The following PRR16 variants were observed in gnomAD, a reference collection of about 807,000 sequenced individuals.
PRR16 encodes protein Largen.
In PRR16, 6 loss-of-function variants were observed where a neutral mutation model predicts 18.2. That is an observed-to-expected ratio of 0.33 (90% CI 0.18 to 0.65). PRR16 has a LOEUF of 0.65. Ranked by LOEUF, PRR16 falls within the 30% of genes least tolerant of loss-of-function variation. PRR16 has a pLI of 0.74. For missense variants in PRR16, 412 were observed against 376.6 expected, an observed-to-expected ratio of 1.09 and a Z score of -0.78; for synonymous variants, 151 against 147.8, an observed-to-expected ratio of 1.02 and a Z score of -0.16.
intron 1 of PRR16, among the ~76,000 whole-genome samples, chr5:120,655,387 T>TA (rs778038205): frequency 0.1 from 10,302 of 100,110 alleles, 372 homozygotes; most frequent in South Asian, 0.13. Flanking sequence ...TTTTTTTTTT[T>TA]TAAAAAAAAA....
At chr5:120,700,316 G>A in the PRR16 span, among the ~76,000 whole-genome samples, 5 of 152,088 alleles carry the variant, frequency 3.3e-5, no homozygotes, top group Admixed American at 6.6e-5. Context: ...TTTTTAAAGC[G>A]TGCTGCGGGA....
At chr5:120,500,815 G>A (rs574141913) in intron 1 of PRR16, among the ~76,000 whole-genome samples, 2 of 152,192 alleles carry the variant, frequency 1.3e-5, no homozygotes, top group Admixed American at 6.5e-5. Context: ...TGTTAAGCAT[G>A]ACAAAGTAAA....
At chr5:120,649,887 C>T (rs894073636) in intron 1 of PRR16, among the ~76,000 whole-genome samples, 1 of 151,726 alleles carries the variant, frequency 6.6e-6, no homozygotes, top group Non-Finnish European at 1.5e-5. Context: ...TGAATAAATT[C>T]TCTCATCATT....
intron 1 of PRR16, among the ~76,000 whole-genome samples, chr5:120,685,409 T>C (rs561573617): frequency 1.3e-5 from 2 of 152,334 alleles, no homozygotes; most frequent in Non-Finnish European, 2.9e-5. Context: ...CTGCCTTTTT[T>C]TCCTGTGATT....
At chr5:120,467,909 C>T (rs73262112) in intron 1 of PRR16, among the ~76,000 whole-genome samples, 1,815 of 152,166 alleles carry the variant, frequency 0.012, 29 homozygotes, top group African/African-American at 0.041. Flanking sequence ...GAGCACCTAC[C>T]ATGTTCCAAG....
intron 1 of PRR16, chr5:120,618,322 G>C (rs777346472): frequency 4.0e-4 from 104 of 257,038 alleles, no homozygotes; most frequent in Non-Finnish European, 5.5e-4. Flanking sequence ...GAGTAGTGTT[G>C]ATTTTGTTGT....
downstream of PRR16, among the ~76,000 whole-genome samples, chr5:120,691,955 G>T (rs578181084): frequency 1.3e-5 from 2 of 152,202 alleles, no homozygotes; most frequent in South Asian, 4.2e-4. Flanking sequence ...CAATATCTTG[G>T]ACACAATTAT....
the PRR16 span, among the ~76,000 whole-genome samples, chr5:120,702,031 C>T: frequency 2.0e-5 from 3 of 151,574 alleles, no homozygotes; most frequent in Non-Finnish European, 4.4e-5. Context: ...GAACACAGGC[C>T]AAGGGAGTAG....
chr5:120,685,871 T>C lies in PRR16; in HGVS notation c.160-83T>C, dbSNP rs1047659319. On this transcript the variant is annotated intron_variant, in intron 1 of 1. Transcript: ENST00000407149. ...TATCAGTTAAGGCTTCCATAGCAGA[T>C]TTCCCCTAGACAAAAATAAATTGTT... is the stretch of plus-strand genomic sequence containing the variant. 9 of 1,392,024 alleles carry C rather than the reference T, an allele frequency of 6.5e-6. No individual in the cohort carries two copies. The African/African-American group carries it at 1.3e-4, about 20-fold the overall frequency. The allele number at this position is 1,392,024 out of a possible 1,614,324, so 86.2% of individuals were successfully genotyped here.
the PRR16 span, among the ~76,000 whole-genome samples, chr5:120,768,927 C>A: frequency 2.0e-5 from 3 of 151,664 alleles, no homozygotes; most frequent in Non-Finnish European, 4.4e-5. Context: ...TTCATTATCT[C>A]CTGATCATTA....
intron 1 of PRR16, among the ~76,000 whole-genome samples, chr5:120,528,728 T>C (rs974088315): frequency 4.6e-5 from 7 of 152,090 alleles, no homozygotes; most frequent in Admixed American, 4.6e-4. Context: ...TGCAAGACCA[T>C]GTTTTACTCC....
In PRR16 at chr5:120,539,556, C is replaced by T. The variant is rs960096324; in HGVS notation, c.159+74911C>T. On this transcript the variant is annotated intron_variant, in intron 1 of 1. Transcript: ENST00000407149. ...GGGTGAATAATGGAAAACAACCTAT[C>T]GGGTATTATACTGATTACCAGGTGA... 1.3e-4 allele frequency among the ~76,000 whole-genome samples: 20 copies of T among 151,978 alleles called. 1 individual carries two copies. The highest frequency in any genetic ancestry group is 3.6e-4 in the African/African-American group (15 of 41,490).
At position 120,472,979 on chromosome 5, in the gene PRR16, TTTTA is replaced by T. The variant is rs1400111507; in HGVS notation, c.159+8338_159+8341del. 4.6e-5 allele frequency among the ~76,000 whole-genome samples: 7 copies of T among 152,284 alleles called. No individual in the cohort carries two copies. The South Asian group carries it at 1.0e-3, about 23-fold the overall frequency. The stretch of plus-strand genomic sequence containing the variant: ...CTTAAAACTGATTGCAGATCAGCAT[TTTTA>T]TTTGTTTTATTTTTTTCTTATGTCA... On this transcript the variant is annotated intron_variant, in intron 1 of 1. Coordinates refer to ENST00000407149, the MANE Select transcript of PRR16 (RefSeq NM_001300783.2).
At chr5:120,765,939 G>T in the PRR16 span, among the ~76,000 whole-genome samples, 4 of 151,854 alleles carry the variant, frequency 2.6e-5, no homozygotes, top group Non-Finnish European at 5.9e-5. Flanking sequence ...GGATTTTGAT[G>T]GTTATTCTCA....
intron 1 of PRR16, among the ~76,000 whole-genome samples, chr5:120,478,461 G>C (rs1749511730): frequency 6.6e-6 from 1 of 151,980 alleles, no homozygotes; most frequent in South Asian, 2.1e-4. Context: ...GGATCTCTCA[G>C]CAATAGCTAG....
chr5:120,550,869 C>G (rs1022648823), intron 1 of PRR16, among the ~76,000 whole-genome samples: 1 of 151,978 alleles, frequency 6.6e-6, no homozygotes, highest in Non-Finnish European at 1.5e-5. Context: ...TTTACCAGCT[C>G]TCAATACCGT....
chr5:120,674,495 CT>C (rs1756728116), intron 1 of PRR16, among the ~76,000 whole-genome samples: 1 of 152,162 alleles, frequency 6.6e-6, no homozygotes, highest in Non-Finnish European at 1.5e-5. Context: ...TGTTCTGGAA[CT>C]TTTGAAGTTA....
chr5:120,736,942 A>T, the PRR16 span, among the ~76,000 whole-genome samples: 1 of 149,940 alleles, frequency 6.7e-6, no homozygotes, highest in African/African-American at 2.5e-5. Flanking sequence ...TTTGTATACT[A>T]TAACTTTGCT....
intron 1 of PRR16, among the ~76,000 whole-genome samples, chr5:120,544,946 T>G (rs1021700172): frequency 6.6e-6 from 1 of 152,176 alleles, no homozygotes; most frequent in Non-Finnish European, 1.5e-5. Flanking sequence ...ACAAGTGATT[T>G]TCTCAGCTTA....
Sources: allele counts gnomAD v4.1 joint callset (sites outside exome capture counted in the v4.1 genomes callset), GRCh38; gene constraint gnomAD v4.1.1; transcripts MANE v1.5; gene names NCBI Gene and HGNC (gene_info 2026-07-23, HGNC 2026-07-21).